The following CSMD1 variants were observed in gnomAD, a reference collection of about 807,000 sequenced individuals.
The protein encoded by CSMD1 is CUB and sushi domain-containing protein 1.
Under a neutral mutation model 417.5 loss-of-function variants are expected in CSMD1, and 213 were observed. The ratio of observed to expected loss-of-function variants is 0.51; its 90% CI spans 0.46 to 0.57. CSMD1 has a LOEUF of 0.57. CSMD1 is among the 20% of genes least tolerant of loss of function. The pLI, the probability that CSMD1 is intolerant of heterozygous loss-of-function variation, is 0.00. For synonymous variants in CSMD1, 2,862 were observed against 1,736.8 expected, an observed-to-expected ratio of 1.65 and a Z score of -16.11; for missense variants, 6,923 against 4,529.7, an observed-to-expected ratio of 1.53 and a Z score of -15.17.
intron 3 of CSMD1, among the ~76,000 whole-genome samples, chr8:4,391,838 C>A (rs2128924062): frequency 6.6e-6 from 1 of 152,296 alleles, no homozygotes; most frequent in South Asian, 2.1e-4. Flanking sequence ...TCTGGCAAAC[C>A]TGAGTCAATA....
At chr8:3,319,197 C>T (rs1169362147) in intron 23 of CSMD1, among the ~76,000 whole-genome samples, 1 of 152,150 alleles carries the variant, frequency 6.6e-6, no homozygotes. Context: ...ATGAAACTCA[C>T]ATATTTCTGT....
chr8:4,453,312 C>G (rs978750851), intron 2 of CSMD1, among the ~76,000 whole-genome samples: 3 of 152,042 alleles, frequency 2.0e-5, no homozygotes, highest in Non-Finnish European at 2.9e-5. Context: ...ATCAACTGTC[C>G]CCAAGAATTC....
chr8:3,906,350 A>C (rs1406717231), intron 5 of CSMD1, among the ~76,000 whole-genome samples: 1 of 152,182 alleles, frequency 6.6e-6, no homozygotes, highest in Admixed American at 6.5e-5. Context: ...TCCCAAGTAT[A>C]CCTGAGTCAC....
At chr8:3,717,695 CACTT>C (rs1163742848) in intron 6 of CSMD1, among the ~76,000 whole-genome samples, 1 of 152,096 alleles carries the variant, frequency 6.6e-6, no homozygotes, top group Non-Finnish European at 1.5e-5. Context: ...TAGGTGAAGA[CACTT>C]AATATTGGTA....
intron 3 of CSMD1, among the ~76,000 whole-genome samples, chr8:4,187,769 C>G (rs1007559095): frequency 3.3e-5 from 5 of 150,278 alleles, no homozygotes; most frequent in Middle Eastern, 7.1e-3. Flanking sequence ...ATATTTCACT[C>G]TCACCATATA....
chr8:3,173,023 C>T (rs947239716), intron 37 of CSMD1, among the ~76,000 whole-genome samples: 2 of 152,184 alleles, frequency 1.3e-5, no homozygotes, highest in African/African-American at 2.4e-5. Context: ...TCCACCCCTA[C>T]CCCTGCCTTG....
In CSMD1 at chr8:2,936,109, G is replaced by A. The variant is rs1801443346; in HGVS notation, c.*2476C>T. ...AAGAAACTAGGCAGAATTCTCACAC[G>A]AGAATTTCACTGATTTTTTTTTTCA... is the stretch of plus-strand genomic sequence containing the variant. On this transcript the variant is annotated 3_prime_UTR_variant, in exon 70 of 70. Transcript: ENST00000635120. 1 of 152,006 alleles carries A rather than the reference G, an allele frequency of 6.6e-6. No individual in the cohort carries two copies. The highest frequency in any genetic ancestry group is 1.5e-5 in the Non-Finnish European group (1 of 68,006). The allele number at this position is 152,006 out of a possible 1,614,324, so 9.4% of individuals were successfully genotyped here. A position where few individuals can be genotyped will look rare whatever the true frequency, so the allele number is the denominator to read the frequency against.
At chr8:4,417,991 A>G (rs550199765) in intron 3 of CSMD1, among the ~76,000 whole-genome samples, 6 of 152,188 alleles carry the variant, frequency 3.9e-5, no homozygotes, top group Non-Finnish European at 5.9e-5. Flanking sequence ...ACTTAAGACT[A>G]TAATTGATAA....
chr8:3,144,521 T>C (rs1456010341), intron 40 of CSMD1, among the ~76,000 whole-genome samples: 2 of 152,098 alleles, frequency 1.3e-5, no homozygotes, highest in African/African-American at 4.8e-5. Flanking sequence ...TCATATCACG[T>C]TGTCCAAGTC....
intron 3 of CSMD1, among the ~76,000 whole-genome samples, chr8:4,295,987 C>G (rs1356744057): frequency 6.6e-6 from 1 of 151,614 alleles, no homozygotes; most frequent in Non-Finnish European, 1.5e-5. Flanking sequence ...CAAACAAAAA[C>G]AAAAACCTAA....
At chr8:3,341,332 C>T (rs1296547243) in intron 23 of CSMD1, among the ~76,000 whole-genome samples, 1 of 152,130 alleles carries the variant, frequency 6.6e-6, no homozygotes, top group Admixed American at 6.5e-5. Flanking sequence ...GCTCAGTATC[C>T]CTACATTGAT....
intron 3 of CSMD1, among the ~76,000 whole-genome samples, chr8:4,049,088 T>G (rs1270359125): frequency 6.6e-6 from 1 of 152,186 alleles, no homozygotes; most frequent in Admixed American, 6.5e-5. Flanking sequence ...TGCCTCCATT[T>G]TTTTCTATCC....
At chr8:3,785,848 G>C (rs1799429094) in intron 5 of CSMD1, among the ~76,000 whole-genome samples, 1 of 152,186 alleles carries the variant, frequency 6.6e-6, no homozygotes, top group South Asian at 2.1e-4. Flanking sequence ...AGGGCTTTGG[G>C]AAGTAGAGCA....
intron 1 of CSMD1, among the ~76,000 whole-genome samples, chr8:4,871,425 G>C (rs1802732799): frequency 6.6e-6 from 1 of 152,196 alleles, no homozygotes; most frequent in South Asian, 2.1e-4. Context: ...ATGAGTTCCA[G>C]TACAGTGGCA....
chr8:2,981,948 G>A (rs900730777), intron 54 of CSMD1, among the ~76,000 whole-genome samples: 3 of 152,098 alleles, frequency 2.0e-5, no homozygotes, highest in African/African-American at 4.8e-5. Context: ...GGACCAGCTG[G>A]AAATCTTAGC....
In CSMD1 at chr8:4,510,390, T is replaced by TAAAAAAAAAAAAAAA. The variant is rs34791623; in HGVS notation, c.303-90340_303-90326dup. 4.8e-4 allele frequency among the ~76,000 whole-genome samples: 26 copies of TAAAAAAAAAAAAAAA among 54,642 alleles called. 1 individual carries two copies. The highest frequency in any genetic ancestry group is 6.2e-4 in the East Asian group (1 of 1,626). The allele number at this position is 54,642 out of a possible 152,430, so 35.8% of individuals were successfully genotyped here. A position where few individuals can be genotyped will look rare whatever the true frequency, so the allele number is the denominator to read the frequency against. ...GTAGACAATTAAAAAGCATAATGCC[T>TAAAAAAAAAAAAAAA]AAAAAAAAAAAAAAAAAAAAAAAAA... is the stretch of plus-strand genomic sequence containing the variant. On this transcript the variant is annotated intron_variant, in intron 2 of 69. Transcript: ENST00000635120.
intron 2 of CSMD1, among the ~76,000 whole-genome samples, chr8:4,539,105 C>T (rs886117411): frequency 2.6e-5 from 4 of 152,114 alleles, no homozygotes; most frequent in African/African-American, 7.2e-5. Flanking sequence ...TACATAATGA[C>T]CTTTAGCTTA....
At chr8:3,951,666 A>T (rs1021965898) in intron 5 of CSMD1, among the ~76,000 whole-genome samples, 42 of 152,220 alleles carry the variant, frequency 2.8e-4, no homozygotes, top group Non-Finnish European at 7.3e-5. Flanking sequence ...TAAAAATTAA[A>T]AAATAAACAT....
At chr8:3,826,101 G>C (rs1250577070) in intron 5 of CSMD1, among the ~76,000 whole-genome samples, 1 of 152,050 alleles carries the variant, frequency 6.6e-6, no homozygotes, top group Non-Finnish European at 1.5e-5. Flanking sequence ...CTATGCTTCT[G>C]TAACAATAAA....
Sources: allele counts gnomAD v4.1 joint callset (sites outside exome capture counted in the v4.1 genomes callset), GRCh38; gene constraint gnomAD v4.1.1; transcripts MANE v1.5; gene names NCBI Gene and HGNC (gene_info 2026-07-23, HGNC 2026-07-21).